The following DPYD variants were observed in gnomAD, a reference collection of about 807,000 sequenced individuals.
The protein encoded by DPYD is dihydropyrimidine dehydrogenase [NADP(+)].
In DPYD, 109 loss-of-function variants were observed where a neutral mutation model predicts 116.2. That is an observed-to-expected ratio of 0.94 (90% confidence interval 0.80 to 1.10). The LOEUF (loss-of-function observed/expected upper bound fraction) is 1.10. Ranked by LOEUF, DPYD falls within the 50% of genes least tolerant of loss-of-function variation. DPYD has a pLI of 0.00. For synonymous variants in DPYD, 440 were observed against 432.0 expected, an observed-to-expected ratio of 1.02 and a Z score of -0.23; for missense variants, 1,302 against 1,254.5, an observed-to-expected ratio of 1.04 and a Z score of -0.57.
Position 97,428,619 on chromosome 1 carries a change from G to A in DPYD, c.1905+21440C>T, listed in dbSNP as rs1169286606. Among the ~76,000 whole-genome samples the A allele has an allele frequency of 2.0e-5, 3 of 151,968 alleles. No homozygotes were observed. In the South Asian group the frequency reaches 6.2e-4, roughly 31 times the overall value. On this transcript the variant is annotated intron_variant, in intron 14 of 22. Transcript: ENST00000370192. ...CAGCTAAGACTAAGAAATTCAATCA[G>A]CCAGCCAAGAAACAACAACCACTAA...
intron 19 of DPYD, among the ~76,000 whole-genome samples, chr1:97,200,865 T>C (rs1659154525): frequency 1.3e-5 from 2 of 152,134 alleles, no homozygotes; most frequent in Non-Finnish European, 2.9e-5. Flanking sequence ...CTCTTTCTGC[T>C]ACAACACTGT....
intron 21 of DPYD, among the ~76,000 whole-genome samples, chr1:97,091,649 T>G (rs1649904562): frequency 6.6e-6 from 1 of 152,100 alleles, no homozygotes; most frequent in Non-Finnish European, 1.5e-5. Flanking sequence ...TGTATAAAAA[T>G]GACAATAACT....
chr1:97,525,168 T>C (rs1648960369), intron 12 of DPYD, among the ~76,000 whole-genome samples: 1 of 152,198 alleles, frequency 6.6e-6, no homozygotes, highest in Non-Finnish European at 1.5e-5. Context: ...TCTTAACTCA[T>C]CCCTTTGCTT....
chr1:97,916,665 C>T (rs1674228808), intron 1 of DPYD, among the ~76,000 whole-genome samples: 1 of 152,192 alleles, frequency 6.6e-6, no homozygotes, highest in Non-Finnish European at 1.5e-5. Context: ...CAAGATCCAT[C>T]ATTAGTCATT....
chr1:97,388,307 G>A (rs1305021828), intron 14 of DPYD, among the ~76,000 whole-genome samples: 1 of 152,030 alleles, frequency 6.6e-6, no homozygotes, highest in Non-Finnish European at 1.5e-5. Flanking sequence ...GACATCAATT[G>A]TGCCACTGGA....
chr1:97,640,735 C>G (rs964857255), intron 8 of DPYD, among the ~76,000 whole-genome samples: 1 of 152,096 alleles, frequency 6.6e-6, no homozygotes, highest in Non-Finnish European at 1.5e-5. Context: ...CTGAGTTTTC[C>G]ACAACTGCTA....
At chr1:97,864,724 G>A (rs1157018059) in intron 2 of DPYD, among the ~76,000 whole-genome samples, 1 of 151,808 alleles carries the variant, frequency 6.6e-6, no homozygotes, top group Admixed American at 6.6e-5. Context: ...CAAATTATAC[G>A]AAGTTCTGGT....
intron 20 of DPYD, among the ~76,000 whole-genome samples, chr1:97,121,428 C>T (rs1164898570): frequency 6.6e-6 from 1 of 152,060 alleles, no homozygotes; most frequent in Non-Finnish European, 1.5e-5. Context: ...ATTATCTATC[C>T]CCATTCCAAT....
intron 16 of DPYD, among the ~76,000 whole-genome samples, chr1:97,361,281 A>G (rs1013327418): frequency 5.9e-5 from 9 of 152,204 alleles, no homozygotes; most frequent in African/African-American, 1.7e-4. Flanking sequence ...GAATAGACCA[A>G]TAACAGGCTC....
intron 5 of DPYD, among the ~76,000 whole-genome samples, chr1:97,702,496 A>T (rs1661651310): frequency 6.6e-6 from 1 of 151,938 alleles, no homozygotes; most frequent in African/African-American, 2.4e-5. Flanking sequence ...TAACATTTAC[A>T]AATAACATTG....
chr1:97,256,028 T>C (rs1008901369), intron 18 of DPYD, among the ~76,000 whole-genome samples: 1 of 152,118 alleles, frequency 6.6e-6, no homozygotes, highest in African/African-American at 2.4e-5. Flanking sequence ...GAAATTAGTA[T>C]TGACTGATGA....
At chr1:97,289,340 G>A (rs1283420363) in intron 18 of DPYD, among the ~76,000 whole-genome samples, 2 of 152,186 alleles carry the variant, frequency 1.3e-5, no homozygotes, top group African/African-American at 2.4e-5. Flanking sequence ...CATGTTATGA[G>A]GCCAGCATCA....
chr1:97,154,989 T>C (rs1017076663), intron 20 of DPYD, among the ~76,000 whole-genome samples: 3 of 152,198 alleles, frequency 2.0e-5, no homozygotes, highest in African/African-American at 7.2e-5. Flanking sequence ...AGTAAGTTAA[T>C]GTGTTTTACT....
At chr1:97,267,619 T>C (rs1389249428) in intron 18 of DPYD, among the ~76,000 whole-genome samples, 1 of 152,020 alleles carries the variant, frequency 6.6e-6, no homozygotes, top group Non-Finnish European at 1.5e-5. Context: ...AATCCATTCA[T>C]GAGGGTGGAG....
chr1:97,492,079 T>G (rs1359402719), intron 13 of DPYD, among the ~76,000 whole-genome samples: 1 of 152,144 alleles, frequency 6.6e-6, no homozygotes, highest in Non-Finnish European at 1.5e-5. Flanking sequence ...TTATTTCAAA[T>G]TTGTGTCATC....
intron 18 of DPYD, among the ~76,000 whole-genome samples, chr1:97,252,825 T>C (rs1663197975): frequency 6.6e-6 from 1 of 152,186 alleles, no homozygotes. Context: ...AATATTTGTT[T>C]TACTCTAGGC....
intron 16 of DPYD, among the ~76,000 whole-genome samples, chr1:97,348,445 T>C (rs1456918388): frequency 1.3e-5 from 2 of 152,228 alleles, no homozygotes; most frequent in Non-Finnish European, 2.9e-5. Flanking sequence ...AGCTAAGTTA[T>C]CCTGCTTCCT....
At chr1:97,591,776 T>G (rs915730995) in intron 10 of DPYD, among the ~76,000 whole-genome samples, 2 of 151,984 alleles carry the variant, frequency 1.3e-5, no homozygotes, top group Non-Finnish European at 2.9e-5. Flanking sequence ...ATTTCTCAAG[T>G]ACAAACTATG....
intron 16 of DPYD, among the ~76,000 whole-genome samples, chr1:97,315,335 G>T (rs537291765): frequency 5.3e-5 from 8 of 151,900 alleles, no homozygotes; most frequent in Non-Finnish European, 1.2e-4. Flanking sequence ...TAGTACAAGG[G>T]TCTAGCTATT....
Sources: gnomAD v4.1 joint callset for allele counts (sites outside exome capture counted in the v4.1 genomes callset) on GRCh38, gnomAD v4.1.1 for gene constraint, MANE v1.5 for transcripts, NCBI Gene and HGNC (gene_info 2026-07-23, HGNC 2026-07-21) for gene names.